The following ROBO2 variants were observed in gnomAD, a reference collection of about 807,000 sequenced individuals.
ROBO2 encodes the protein roundabout homolog 2.
A neutral mutation model predicts 160.8 loss-of-function variants in ROBO2; 53 were observed. The ratio of observed to expected loss-of-function variants is 0.33; its 90% CI spans 0.26 to 0.41. The LOEUF (loss-of-function observed/expected upper bound fraction) is 0.41. Ranked by LOEUF, ROBO2 falls within the 10% of genes least tolerant of loss-of-function variation. The probability of loss-of-function intolerance (pLI) is 1.00; values close to 1 mark genes in which losing one functional copy is unlikely to be tolerated. For missense variants in ROBO2, 1,577 were observed against 1,722.4 expected, an observed-to-expected ratio of 0.92 and a Z score of 1.49; for synonymous variants, 664 against 611.7, an observed-to-expected ratio of 1.09 and a Z score of -1.26.
chr3:76,048,557 T>C (rs979534599), intron 2 of ROBO2, among the ~76,000 whole-genome samples: 2 of 152,178 alleles, frequency 1.3e-5, no homozygotes, highest in Non-Finnish European at 2.9e-5. Context: ...AATTTATACA[T>C]GGGAATATTG....
chr3:76,726,429 G>C (rs1166937856), intron 2 of ROBO2, among the ~76,000 whole-genome samples: 1 of 152,086 alleles, frequency 6.6e-6, no homozygotes, highest in African/African-American at 2.4e-5. Context: ...TCATTCTCTA[G>C]ATTTGTGTTC....
intron 2 of ROBO2, among the ~76,000 whole-genome samples, chr3:77,034,320 TTACTTA>T (rs2063497848): frequency 6.6e-6 from 1 of 151,114 alleles, no homozygotes; most frequent in Non-Finnish European, 1.5e-5. Context: ...CAAAATTATA[TTACTTA>T]TACTCCTGGC....
chr3:76,858,952 G>A (rs1269732250), intron 2 of ROBO2, among the ~76,000 whole-genome samples: 2 of 152,206 alleles, frequency 1.3e-5, no homozygotes, highest in East Asian at 3.9e-4. Context: ...GAGAAGGAGA[G>A]ATGTTTGTTA....
At chr3:76,916,581 C>T (rs934812997) in intron 2 of ROBO2, among the ~76,000 whole-genome samples, 3 of 148,130 alleles carry the variant, frequency 2.0e-5, no homozygotes, top group African/African-American at 7.3e-5. Context: ...TGAAGCCATC[C>T]TCCCACCCAG....
At chr3:76,364,243 T>G (rs982357205) in intron 2 of ROBO2, among the ~76,000 whole-genome samples, 27 of 152,184 alleles carry the variant, frequency 1.8e-4, no homozygotes, top group African/African-American at 6.3e-4. Flanking sequence ...CAGGAATACC[T>G]TCCCTGACTC....
At chr3:77,133,756 TA>T (rs1315357443) in intron 2 of ROBO2, among the ~76,000 whole-genome samples, 1 of 151,962 alleles carries the variant, frequency 6.6e-6, no homozygotes, top group Non-Finnish European at 1.5e-5. Flanking sequence ...AATACAACTA[TA>T]AGTATTTACA....
intron 2 of ROBO2, among the ~76,000 whole-genome samples, chr3:77,017,410 A>T (rs2062340436): frequency 6.6e-6 from 1 of 152,230 alleles, no homozygotes; most frequent in African/African-American, 2.4e-5. Flanking sequence ...AGATAGCTCA[A>T]ATGACTAACA....
intron 2 of ROBO2, among the ~76,000 whole-genome samples, chr3:76,457,159 A>G (rs961305822): frequency 2.0e-5 from 3 of 152,166 alleles, no homozygotes; most frequent in Non-Finnish European, 4.4e-5. Context: ...CATTAACTCA[A>G]AAGTCCACAG....
chr3:76,887,193 CA>C (rs1462290573), intron 2 of ROBO2, among the ~76,000 whole-genome samples: 16 of 120,442 alleles, frequency 1.3e-4, no homozygotes, highest in African/African-American at 4.2e-4. Context: ...CTTCAGGAAG[CA>C]TTTTTTTTTT....
chr3:77,052,570 A>G (rs571233669), intron 1 of ROBO2, among the ~76,000 whole-genome samples: 17 of 152,346 alleles, frequency 1.1e-4, no homozygotes, highest in African/African-American at 3.4e-4. Context: ...AAACCTTTTG[A>G]CAAAGAAATT....
intron 2 of ROBO2, among the ~76,000 whole-genome samples, chr3:76,305,774 C>A (rs2071315143): frequency 6.6e-6 from 1 of 151,182 alleles, no homozygotes; most frequent in African/African-American, 2.4e-5. Flanking sequence ...AAAAAATTGT[C>A]CACTTCTATT....
chr3:77,642,104 G>A (rs1220132737), intron 24 of ROBO2, among the ~76,000 whole-genome samples: 1 of 152,176 alleles, frequency 6.6e-6, no homozygotes, highest in Non-Finnish European at 1.5e-5. Context: ...GCCAGAATTG[G>A]TTGTCAAGCA....
At chr3:76,116,353 G>A (rs73842987) in intron 2 of ROBO2, among the ~76,000 whole-genome samples, 2,404 of 152,160 alleles carry the variant, frequency 0.016, 64 homozygotes, top group African/African-American at 0.055. Context: ...TATCCTTAAC[G>A]GAATCCTCAG....
chr3:76,961,247 G>GGAAAAAAAAA (rs761616869), intron 2 of ROBO2, among the ~76,000 whole-genome samples: 3 of 54,448 alleles, frequency 5.5e-5, no homozygotes, highest in African/African-American at 1.6e-4. Context: ...GTGCCACAGA[G>GGAAAAAAAAA]AAAAAAAAAA....
intron 2 of ROBO2, among the ~76,000 whole-genome samples, chr3:76,271,214 A>G (rs1707413061): frequency 6.6e-6 from 1 of 152,042 alleles, no homozygotes; most frequent in Admixed American, 6.6e-5. Flanking sequence ...CCTGAGAATG[A>G]CTGATTAGGT....
intron 1 of ROBO2, among the ~76,000 whole-genome samples, chr3:77,089,619 G>C (rs1224137453): frequency 6.6e-6 from 1 of 152,140 alleles, no homozygotes; most frequent in Non-Finnish European, 1.5e-5. Context: ...TGTGCTTCCA[G>C]AAGGAATAAT....
intron 2 of ROBO2, among the ~76,000 whole-genome samples, chr3:77,244,475 A>C (rs2089459224): frequency 6.6e-6 from 1 of 152,216 alleles, no homozygotes; most frequent in African/African-American, 2.4e-5. Context: ...TTGGGTGTGT[A>C]ATGAATTGTT....
chr3:77,216,512 C>T (rs146999879), intron 2 of ROBO2, among the ~76,000 whole-genome samples: 6 of 152,336 alleles, frequency 3.9e-5, no homozygotes, highest in Non-Finnish European at 8.8e-5. Context: ...CTCCCTGACC[C>T]CTTGTGCTTC....
intron 2 of ROBO2, among the ~76,000 whole-genome samples, chr3:77,345,653 G>T (rs1369627505): frequency 1.3e-5 from 2 of 152,184 alleles, no homozygotes; most frequent in East Asian, 3.9e-4. Context: ...CTTATATAAT[G>T]ATGTCTTTCT....
Sources: allele counts gnomAD v4.1 joint callset (sites outside exome capture counted in the v4.1 genomes callset), GRCh38; gene constraint gnomAD v4.1.1; transcripts MANE v1.5; gene names NCBI Gene and HGNC (gene_info 2026-07-23, HGNC 2026-07-21).